Variants in MAN2A1 observed in about 807,000 individuals in gnomAD.
The protein encoded by MAN2A1 is mannosidase alpha class 2A member 1, also known as alpha-mannosidase 2.
Under a neutral mutation model 142.6 loss-of-function variants are expected in MAN2A1, and 76 were observed. The observed-to-expected ratio is 0.53, with a 90% confidence interval of 0.44 to 0.65. The LOEUF is 0.65. Among genes scored for constraint, MAN2A1 ranks in the 30% least tolerant of loss-of-function variants. The pLI is 0.00. For synonymous variants in MAN2A1, 559 were observed against 473.2 expected, an observed-to-expected ratio of 1.18 and a Z score of -2.35; for missense variants, 1,311 against 1,365.1, an observed-to-expected ratio of 0.96 and a Z score of 0.62.
Position 109,852,214 on chromosome 5 carries a change from T to C in MAN2A1, c.2977-2926T>C, listed in dbSNP as rs140241019. Among the ~76,000 whole-genome samples the C allele has an allele frequency of 9.5e-3, 1,446 of 152,134 alleles. 26 individuals are homozygous for C. Among genetic ancestry groups the C allele is most frequent in the African/African-American group, 0.033 (1,360 of 41,498 alleles). On this transcript the variant is annotated intron_variant, in intron 19 of 21. Transcript: ENST00000261483. Reference sequence around the variant, plus strand: ...TGTGATCTACAAATCTGCCCCACAGTCTTCAGCTACAGATACTTACCTCCA... The same window carrying C: ...TGTGATCTACAAATCTGCCCCACAGCCTTCAGCTACAGATACTTACCTCCA...
At chr5:109,749,265 A>C (rs1752486372) in intron 4 of MAN2A1, among the ~76,000 whole-genome samples, 1 of 152,114 alleles carries the variant, frequency 6.6e-6, no homozygotes, top group Non-Finnish European at 1.5e-5. Context: ...ATGTCTGATG[A>C]TTCTACATAG....
chr5:109,751,968 C>T (rs1752559737), intron 4 of MAN2A1, among the ~76,000 whole-genome samples: 1 of 152,008 alleles, frequency 6.6e-6, no homozygotes, highest in Non-Finnish European at 1.5e-5. Context: ...CACTTAACTC[C>T]TTTTGGATGT....
chr5:109,782,409 T>C lies in MAN2A1; in HGVS notation c.1577+811T>C, dbSNP rs537354652. On this transcript the variant is annotated intron_variant, in intron 9 of 21. Transcript: ENST00000261483. The stretch of plus-strand genomic sequence containing the variant: ...TAATTAATTTAAATGTCAATAGCCA[T>C]GTGTGGCTATGGCTACCATATTGGA... 6.1e-4 allele frequency among the ~76,000 whole-genome samples: 93 copies of C among 152,156 alleles called. 1 individual carries two copies. Among genetic ancestry groups the C allele is most frequent in the Admixed American group, 3.5e-3 (53 of 15,278 alleles).
intron 8 of MAN2A1, 78 bp downstream of exon 8, chr5:109,775,043 A>T: frequency 1.0e-6 from 1 of 969,780 alleles, no homozygotes; most frequent in Non-Finnish European, 1.5e-6. Context: ...AGAAATCCTT[A>T]GCTTCTTTGT....
At chr5:109,858,002 G>C (rs1755666653) in intron 20 of MAN2A1, among the ~76,000 whole-genome samples, 1 of 152,180 alleles carries the variant, frequency 6.6e-6, no homozygotes, top group Admixed American at 6.5e-5. Flanking sequence ...GAGAACAAAG[G>C]CACTCTGTAA....
In MAN2A1 at chr5:109,820,534, C is replaced by T. The variant is rs114363226; in HGVS notation, c.2451+192C>T. ...GTCGAAAGTTAGATAAATGGTTGGG[C>T]GCAGTGGCTCACACCTGTAATCCCA... On this transcript the variant is annotated intron_variant, in intron 15 of 21. Transcript: ENST00000261483. Among the ~76,000 whole-genome samples the T allele has an allele frequency of 2.0e-3, 310 of 152,214 alleles. 2 individuals carry two copies. Among genetic ancestry groups the T allele is most frequent in the African/African-American group, 7.2e-3 (297 of 41,528 alleles).
At chr5:109,753,896 TTTTTTCTTTTTTC>T (rs1303595628) in intron 4 of MAN2A1, among the ~76,000 whole-genome samples, 2 of 151,824 alleles carry the variant, frequency 1.3e-5, no homozygotes, top group East Asian at 1.9e-4. Flanking sequence ...TGCTCAATTT[TTTTTTCTTTTTTC>T]TTTTTCTTTT....
At position 109,690,268 on chromosome 5, in the gene MAN2A1, G is replaced by A. The variant is rs1750625710; in HGVS notation, c.-150G>A. The A allele has an allele frequency of 9.4e-6, 7 of 746,786 alleles. No individual in the cohort carries two copies. Among genetic ancestry groups the A allele is most frequent in the Non-Finnish European group, 1.6e-5 (7 of 439,202 alleles). 46.3% of individuals were successfully genotyped at this position (746,786 alleles called of 1,614,324 possible). On this transcript the variant is annotated 5_prime_UTR_variant, in exon 1 of 22. Transcript: ENST00000261483. ...GTGGTGGCGCCGGAGACTAGGTGCGGAGCAAGGCGGGGACTCGCACCCGCA... is the reference window on the plus strand; with the variant it reads ...GTGGTGGCGCCGGAGACTAGGTGCGAAGCAAGGCGGGGACTCGCACCCGCA...
chr5:109,823,667 C>A (rs1754685457), intron 15 of MAN2A1, 56 bp from the exon 16 acceptor site: 1 of 874,026 alleles, frequency 1.1e-6, no homozygotes, highest in Non-Finnish European at 1.9e-6. Flanking sequence ...TAAACATATT[C>A]TTTTAAAAGT....
At chr5:109,709,057 C>G (rs1170923629) in intron 1 of MAN2A1, among the ~76,000 whole-genome samples, 1 of 152,204 alleles carries the variant, frequency 6.6e-6, no homozygotes, top group African/African-American at 2.4e-5. Flanking sequence ...CCAGTGCCTA[C>G]TGAAGCCCTG....
intron 16 of MAN2A1, among the ~76,000 whole-genome samples, chr5:109,839,082 T>C (rs1417306250): frequency 6.6e-6 from 1 of 152,086 alleles, no homozygotes; most frequent in East Asian, 1.9e-4. Flanking sequence ...CATAAAATAG[T>C]ACTAAAAACC....
Position 109,771,438 on chromosome 5 carries a change from T to G in MAN2A1, c.1196+897T>G, listed in dbSNP as rs1753142468. Among the ~76,000 whole-genome samples, 5 of 152,338 alleles carry G rather than the reference T, an allele frequency of 3.3e-5. No individual in the cohort carries two copies. The South Asian group carries it at 1.0e-3, about 32-fold the overall frequency. ...AGTCCTTAGAATCACAAAGATTTTCTTTGTGAGCCTCTCACTGTGGCAGAC... is the reference window on the plus strand; with the variant it reads ...AGTCCTTAGAATCACAAAGATTTTCGTTGTGAGCCTCTCACTGTGGCAGAC... On this transcript the variant is annotated intron_variant, in intron 7 of 21. Coordinates refer to ENST00000261483, the MANE Select transcript of MAN2A1 (RefSeq NM_002372.4).
chr5:109,762,950 A>T (rs1458414482), intron 5 of MAN2A1, among the ~76,000 whole-genome samples: 1 of 152,240 alleles, frequency 6.6e-6, no homozygotes, highest in Non-Finnish European at 1.5e-5. Flanking sequence ...CTGGCTTTAT[A>T]GGCAGCAAAA....
intron 4 of MAN2A1, among the ~76,000 whole-genome samples, chr5:109,743,015 C>T (rs1399749651): frequency 2.0e-5 from 3 of 152,166 alleles, no homozygotes; most frequent in African/African-American, 4.8e-5. Flanking sequence ...GTGCTCTGCC[C>T]ATCCCTTGGA....
chr5:109,766,170 T>G (rs2301003), intron 5 of MAN2A1, among the ~76,000 whole-genome samples: 22,048 of 152,122 alleles, frequency 0.14, 2,585 homozygotes, highest in East Asian at 0.64. Context: ...TCTCCTGTTG[T>G]AATGCAATAT....
intron 10 of MAN2A1, among the ~76,000 whole-genome samples, chr5:109,787,352 T>C (rs542321614): frequency 1.4e-4 from 21 of 152,042 alleles, no homozygotes; most frequent in African/African-American, 4.8e-4. Context: ...ACTAAGAAAC[T>C]GTGATTCCCA....
intron 5 of MAN2A1, among the ~76,000 whole-genome samples, chr5:109,766,466 T>C (rs1176732429): frequency 1.3e-5 from 2 of 152,212 alleles, no homozygotes; most frequent in African/African-American, 4.8e-5. Flanking sequence ...TGGTCCCCTG[T>C]AGATCCTGAC....
Position 109,866,935 on chromosome 5 carries a change from G to A in MAN2A1, c.3372G>A (p.Gln1124=). ...LSLMHSPPGT[Q]NISEINLSPM... ...TGATGCATTCACCTCCCGGCACTCA[G>A]AATATAAGTGAGATCAACTTGAGTC... The change falls in exon 22 of 22, where the codon CAG becomes CAA. Residue 1124 remains glutamine (Q), a synonymous_variant. Coordinates refer to ENST00000261483, the MANE Select transcript of MAN2A1 (RefSeq NM_002372.4). 1 of 1,612,690 alleles carries A rather than the reference G, an allele frequency of 6.2e-7. No individual in the cohort carries two copies. Among genetic ancestry groups the A allele is most frequent in the Non-Finnish European group, 8.5e-7 (1 of 1,179,220 alleles).
intron 5 of MAN2A1, among the ~76,000 whole-genome samples, chr5:109,756,089 T>G (rs1211087992): frequency 1.3e-5 from 2 of 152,014 alleles, no homozygotes; most frequent in East Asian, 3.9e-4. Context: ...TTCAAATCAC[T>G]AAGGTCTAGT....
Sources: gnomAD v4.1 joint callset for allele counts (sites outside exome capture counted in the v4.1 genomes callset) on GRCh38, gnomAD v4.1.1 for gene constraint, MANE v1.5 for transcripts, NCBI Gene and HGNC (gene_info 2026-07-23, HGNC 2026-07-21) for gene names.